UBR1: variants seen among roughly 807,000 people sequenced by gnomAD.
The protein encoded by UBR1 is E3 ubiquitin-protein ligase UBR1.
UBR1 carries 102 observed loss-of-function variants against 242.1 expected under a neutral mutation model. The observed-to-expected ratio is 0.42, with a 90% CI of 0.36 to 0.50. The LOEUF (loss-of-function observed/expected upper bound fraction) is 0.50. Among genes scored for constraint, UBR1 ranks in the 20% least tolerant of loss-of-function variants. The pLI is 0.01. For synonymous variants in UBR1, 675 were observed against 684.8 expected (o/e 0.99, Z 0.22); for missense variants, 1,772 against 2,101.8 (o/e 0.84, Z 3.07).
intron 33 of UBR1, among the ~76,000 whole-genome samples, chr15:42,990,813 G>A (rs945090755): frequency 6.6e-6 from 1 of 152,136 alleles, no homozygotes; most frequent in South Asian, 2.1e-4. Flanking sequence ...CAAGCTGCCT[G>A]GGTTTGAATC....
At chr15:42,956,307 T>A (rs561140781) in intron 44 of UBR1, among the ~76,000 whole-genome samples, 2 of 152,208 alleles carry the variant, frequency 1.3e-5, no homozygotes, top group Non-Finnish European at 2.9e-5. Flanking sequence ...CAGCAAGAAC[T>A]GCCTGAGGCA....
chr15:43,096,430 G>A (rs978638325), intron 1 of UBR1, among the ~76,000 whole-genome samples: 3 of 152,144 alleles, frequency 2.0e-5, no homozygotes, highest in Non-Finnish European at 2.9e-5. Context: ...CCAAAGTGCT[G>A]GGATTACAGC....
chr15:43,089,758 C>A, intron 1 of UBR1, among the ~76,000 whole-genome samples: 1 of 152,012 alleles, frequency 6.6e-6, no homozygotes, highest in Non-Finnish European at 1.5e-5. Flanking sequence ...GTTATTTTTG[C>A]CCAAAATGTA....
chr15:43,041,217 G>A (rs2033413224), intron 15 of UBR1, among the ~76,000 whole-genome samples: 1 of 152,146 alleles, frequency 6.6e-6, no homozygotes, highest in African/African-American at 2.4e-5. Flanking sequence ...TGATAGACTG[G>A]ATTAAGAAAA....
intron 1 of UBR1, among the ~76,000 whole-genome samples, chr15:43,094,383 C>T (rs1184551659): frequency 1.3e-5 from 2 of 151,764 alleles, no homozygotes; most frequent in East Asian, 1.9e-4. Context: ...GAGCTGAGAT[C>T]GTGCCACCAC....
chr15:43,028,499 C>T (rs1190114259), intron 21 of UBR1, among the ~76,000 whole-genome samples: 1 of 152,088 alleles, frequency 6.6e-6, no homozygotes, highest in African/African-American at 2.4e-5. Context: ...GTAATCCCAG[C>T]ACTTTGGGAG....
intron 3 of UBR1, among the ~76,000 whole-genome samples, chr15:43,078,735 G>T (rs187488897): frequency 6.6e-6 from 1 of 152,184 alleles, no homozygotes; most frequent in East Asian, 1.9e-4. Flanking sequence ...TGGGAGGTTT[G>T]AAGTGGGAGG....
intron 21 of UBR1, 28 bp downstream of exon 21, chr15:43,029,916 A>C: frequency 6.2e-7 from 1 of 1,613,776 alleles, no homozygotes; most frequent in Non-Finnish European, 8.5e-7. Context: ...CTTGAGGTAC[A>C]TAGAGATAAA....
chr15:43,070,645 G>T, intron 5 of UBR1, 150 bp downstream of exon 5: 1 of 1,218,662 alleles, frequency 8.2e-7, no homozygotes, highest in Non-Finnish European at 1.2e-6. Flanking sequence ...TCATACAAAC[G>T]GACATTTTGA....
In UBR1 at chr15:43,058,325, A is replaced by C. The variant is rs1382264030; in HGVS notation, c.1182+16T>G. The C allele has an allele frequency of 6.6e-7, 1 of 1,507,138 alleles. No homozygotes were observed. Among genetic ancestry groups the C allele is most frequent in the Non-Finnish European group, 9.2e-7 (1 of 1,087,998 alleles). 93.4% of individuals were successfully genotyped at this position (1,507,138 alleles called of 1,614,324 possible). On this transcript the variant is annotated intron_variant, in intron 10 of 46. Transcript: ENST00000290650. The stretch of plus-strand genomic sequence containing the variant: ...GCCTATTTCTATTTATTGATATCTA[A>C]TTTATAAATAATTACCTTCACAAAT...
rs776537054 is a variant in UBR1 at position 43,105,975 on chromosome 15, C to T, written c.48G>A (p.Ala16=). 6.2e-7 allele frequency: 1 copy of T among 1,614,040 alleles called. No individual in the cohort carries two copies. Among genetic ancestry groups the T allele is most frequent in the East Asian group, 2.2e-5 (1 of 44,872 alleles). ...GACGCTGAGGGGTCTGGGGTAACTC[C>T]GCGCTGATTTCCATCCTCTCAGTAC... The part of the protein sequence containing the change: ...AGGTERMEIS[A]ELPQTPQRLA... Residue 16 remains alanine (A), a synonymous_variant, in exon 1 of 47, where the codon GCG becomes GCA. Coordinates refer to ENST00000290650, the MANE Select transcript of UBR1 (RefSeq NM_174916.3).
At chr15:43,056,579 T>C in intron 10 of UBR1, 137 bp from the exon 11 acceptor site, 2 of 605,668 alleles carry the variant, frequency 3.3e-6, no homozygotes, top group Middle Eastern at 4.5e-4. Flanking sequence ...TAAGGCAAGA[T>C]ATTATGATCA....
Position 43,082,645 on chromosome 15 carries a change from C to T in UBR1, c.410G>A (p.Arg137His), listed in dbSNP as rs201509699. The part of the protein sequence containing the change: ...CFQDSVHKNH[R>H]YKMHTSTGGG... ...ATGGTTATATTTTCTTACCTTGTAA[C>T]GATGATTTTTATGAACACTGTCCTG... is the stretch of plus-strand genomic sequence containing the variant. The change falls in exon 3 of 47, where the codon CGT (arginine) becomes CAT (histidine). Residue 137 changes from arginine to histidine, a missense_variant. By Grantham distance (29) the Arg-to-His change is conservative. Around this residue, in one of 3 missense-constraint regions of UBR1, gnomAD observed 734 missense variants for 893.3 expected, o/e 0.82. Coordinates refer to ENST00000290650, the MANE Select transcript of UBR1 (RefSeq NM_174916.3). 1.5e-4 allele frequency: 250 copies of T among 1,613,472 alleles called. 2 individuals carry two copies. The Middle Eastern group carries it at 4.6e-3, about 30-fold the overall frequency.
chr15:43,005,781 A>C (rs941436120), intron 30 of UBR1, among the ~76,000 whole-genome samples: 1 of 151,510 alleles, frequency 6.6e-6, no homozygotes, highest in Admixed American at 6.6e-5. Flanking sequence ...TTAATCTATA[A>C]CCTTACCCCC....
intron 27 of UBR1, chr15:43,020,986 A>G (rs926831640): frequency 1.8e-5 from 6 of 329,036 alleles, no homozygotes; most frequent in Non-Finnish European, 3.5e-5. Flanking sequence ...GTTCCATGAT[A>G]GTAAGCACCT....
chr15:43,056,361 A>G lies in UBR1; in HGVS notation c.1264T>C (p.Phe422Leu). 6.2e-7 allele frequency: 1 copy of G among 1,610,948 alleles called. No individual in the cohort carries two copies. The highest frequency in any genetic ancestry group is 8.5e-7 in the Non-Finnish European group (1 of 1,177,154). The stretch of plus-strand genomic sequence containing the variant: ...ATACATACCAGAGTAGGAACAGTAA[A>G]CATCTGAACTGAAAGTGCAGTTATA... ...ISITALSVQM[F>L]TVPTLARHLI... The change falls in exon 11 of 47, where the codon TTT (phenylalanine) becomes CTT (leucine). Residue 422 changes from phenylalanine to leucine, a missense_variant. Phe to Leu is a conservative substitution (Grantham distance 22). Coordinates refer to ENST00000290650, the MANE Select transcript of UBR1 (RefSeq NM_174916.3).
chr15:42,967,341 G>T, intron 40 of UBR1, among the ~76,000 whole-genome samples: 1 of 149,644 alleles, frequency 6.7e-6, no homozygotes, highest in East Asian at 2.0e-4. Context: ...GGGATTATAG[G>T]TATGAGCCAC....
At chr15:42,949,610 C>G (rs761814615) in intron 46 of UBR1, among the ~76,000 whole-genome samples, 4 of 150,478 alleles carry the variant, frequency 2.7e-5, no homozygotes, top group African/African-American at 4.9e-5. Flanking sequence ...ACCAGCCTGG[C>G]CAAGATGGTG....
At chr15:43,105,501 A>C (rs1596147294) in intron 1 of UBR1, among the ~76,000 whole-genome samples, 1 of 152,172 alleles carries the variant, frequency 6.6e-6, no homozygotes, top group South Asian at 2.1e-4. Flanking sequence ...ACATCTAGAC[A>C]TGACTTGACA....
Sources: gnomAD v4.1 joint callset for allele counts (sites outside exome capture counted in the v4.1 genomes callset) on GRCh38, gnomAD v4.1.1 for gene constraint, gnomAD v4.1.1 regional missense constraint, MANE v1.5 for transcripts, NCBI Gene and HGNC (gene_info 2026-07-23, HGNC 2026-07-21) for gene names.